SCAF11: variants seen among roughly 807,000 people sequenced by gnomAD.
SCAF11 encodes the protein SR-related CTD associated factor 11, also known as protein SCAF11.
SCAF11 carries 47 observed loss-of-function variants against 140.5 expected under a neutral mutation model. The observed-to-expected ratio is 0.33, with a 90% CI of 0.26 to 0.43. SCAF11 has a LOEUF of 0.43. SCAF11 is among the 20% of genes least tolerant of loss of function. SCAF11 has a pLI of 1.00. For missense variants in SCAF11, 1,645 were observed against 1,705.1 expected (o/e 0.96, Z 0.62); for synonymous variants, 557 against 579.4 (o/e 0.96, Z 0.55).
At chr12:45,934,345 T>C in intron 7 of SCAF11, 60 bp from the exon 8 acceptor site, 2 of 1,364,866 alleles carry the variant, frequency 1.5e-6, no homozygotes, top group East Asian at 4.7e-5. Flanking sequence ...ATAATAGTTA[T>C]ACTTAAATAT....
At chr12:45,981,540 G>A (rs1436918822) in intron 1 of SCAF11, among the ~76,000 whole-genome samples, 4 of 152,230 alleles carry the variant, frequency 2.6e-5, no homozygotes, top group East Asian at 1.9e-4. Flanking sequence ...AATATAATCC[G>A]TCATCCTTGA....
chr12:45,921,848 G>C lies in SCAF11; in HGVS notation c.*200C>G. Reference sequence around the variant, plus strand: ...ACTTTCCCTTGAATTTTGTGGGGGAGGGTGGAGGGGAAGGAAGGATACAGA... The same window carrying C: ...ACTTTCCCTTGAATTTTGTGGGGGACGGTGGAGGGGAAGGAAGGATACAGA... On this transcript the variant is annotated 3_prime_UTR_variant, in exon 15 of 15. Coordinates refer to ENST00000369367, the MANE Select transcript of SCAF11 (RefSeq NM_004719.3). The C allele has an allele frequency of 1.8e-6, 1 of 552,374 alleles. No homozygotes were observed. Among genetic ancestry groups the C allele is most frequent in the South Asian group, 2.4e-5 (1 of 41,670 alleles). 34.2% of individuals were successfully genotyped at this position (552,374 alleles called of 1,614,324 possible).
At chr12:45,985,675 A>G (rs1313774516) in intron 1 of SCAF11, among the ~76,000 whole-genome samples, 1 of 152,242 alleles carries the variant, frequency 6.6e-6, no homozygotes, top group Non-Finnish European at 1.5e-5. Flanking sequence ...AATGTCTACA[A>G]CAGAGTGGCT....
chr12:45,956,500 T>C (rs1340951872), intron 3 of SCAF11, among the ~76,000 whole-genome samples: 1 of 152,224 alleles, frequency 6.6e-6, no homozygotes, highest in Non-Finnish European at 1.5e-5. Context: ...ACATGTTCCC[T>C]ATCACATTTA....
At position 45,935,392 on chromosome 12, in the gene SCAF11, A is replaced by C. The variant is rs11574968; in HGVS notation, c.464-887T>G. On this transcript the variant is annotated intron_variant, in intron 6 of 14. Transcript: ENST00000369367. ...TAATTTCAATGTTAGTGGAAGACGAACAGGCTGAGTTCCGGAACTTACTGC... is the reference window on the plus strand; with the variant it reads ...TAATTTCAATGTTAGTGGAAGACGACCAGGCTGAGTTCCGGAACTTACTGC... Among the ~76,000 whole-genome samples, 545 of 152,322 alleles carry C rather than the reference A, an allele frequency of 3.6e-3. 3 individuals are homozygous for C. The highest frequency in any genetic ancestry group is 0.012 in the African/African-American group (496 of 41,578).
intron 4 of SCAF11, among the ~76,000 whole-genome samples, chr12:45,949,703 G>A (rs1391535337): frequency 1.3e-5 from 2 of 152,096 alleles, no homozygotes; most frequent in African/African-American, 4.8e-5. Flanking sequence ...AACTGGGGCT[G>A]GGGAAAGGGG....
intron 1 of SCAF11, among the ~76,000 whole-genome samples, chr12:45,971,433 G>A (rs1251685522): frequency 6.6e-6 from 1 of 152,144 alleles, no homozygotes; most frequent in Non-Finnish European, 1.5e-5. Context: ...GCTATATGAA[G>A]ACTCAGGAGT....
chr12:45,968,125 A>C (rs1429802652), intron 1 of SCAF11, among the ~76,000 whole-genome samples: 2 of 152,318 alleles, frequency 1.3e-5, no homozygotes, highest in East Asian at 1.9e-4. Context: ...TAATCATGTT[A>C]TATTCTACCT....
chr12:45,984,380 T>C (rs1184406777), intron 1 of SCAF11, among the ~76,000 whole-genome samples: 1 of 152,238 alleles, frequency 6.6e-6, no homozygotes, highest in Non-Finnish European at 1.5e-5. Context: ...GGTTGTACAC[T>C]ATTTGACAGT....
Position 45,928,705 on chromosome 12 carries a change from G to A in SCAF11, c.996C>T (p.Ala332=). Residue 332 remains alanine, a synonymous_variant, in exon 11 of 15, where the codon GCC becomes GCT. Transcript: ENST00000369367. ...ATATTGGGGATCTCTGAGACTGACT[G>A]GCTGTTTCAGCTCTTGTGTTACGTG... The part of the protein sequence containing the change: ...RSTRNTRAET[A]SQSQRSPISD... 6.2e-7 allele frequency: 1 copy of A among 1,613,996 alleles called. No homozygotes were observed. The highest frequency in any genetic ancestry group is 2.2e-5 in the East Asian group (1 of 44,874).
chr12:45,973,005 T>G (rs962787867), intron 1 of SCAF11, among the ~76,000 whole-genome samples: 28 of 144,404 alleles, frequency 1.9e-4, no homozygotes, highest in East Asian at 6.1e-4. Flanking sequence ...TATATAGATA[T>G]ATATATAGAT....
In SCAF11 at chr12:45,970,029, G is replaced by A. The variant is rs923497989; in HGVS notation, c.-21-5841C>T. On this transcript the variant is annotated intron_variant, in intron 1 of 14. Coordinates refer to ENST00000369367, the MANE Select transcript of SCAF11 (RefSeq NM_004719.3). ...CTCTGCCTCAGCCTCCTGAGTAGCTGGGATTACAGGTGCCCGCCACCACGC... is the reference window on the plus strand; with the variant it reads ...CTCTGCCTCAGCCTCCTGAGTAGCTAGGATTACAGGTGCCCGCCACCACGC... Among the ~76,000 whole-genome samples the A allele has an allele frequency of 2.3e-4, 35 of 152,312 alleles. 1 individual carries two copies. Among genetic ancestry groups the A allele is most frequent in the African/African-American group, 8.4e-4 (35 of 41,560 alleles).
At chr12:45,961,526 G>A (rs1945829525) in intron 3 of SCAF11, 174 bp downstream of exon 3, 2 of 605,244 alleles carry the variant, frequency 3.3e-6, no homozygotes, top group Non-Finnish European at 5.6e-6. Context: ...ATCAAAGCCT[G>A]ATAAAAGAAA....
chr12:45,947,154 T>C lies in SCAF11; in HGVS notation c.398+1283A>G, dbSNP rs375854741. Among the ~76,000 whole-genome samples, 49 of 152,350 alleles carry C rather than the reference T, an allele frequency of 3.2e-4. No individual in the cohort carries two copies. The East Asian group carries it at 8.1e-3, about 25-fold the overall frequency. On this transcript the variant is annotated intron_variant, in intron 5 of 14. Transcript: ENST00000369367. ...TACTAATGAATCATAGATTTAATTA[T>C]GAATCTGACAACATATTGACTTAAA...
intron 11 of SCAF11, among the ~76,000 whole-genome samples, chr12:45,925,881 A>G (rs1944845434): frequency 6.6e-6 from 1 of 152,184 alleles, no homozygotes; most frequent in Non-Finnish European, 1.5e-5. Flanking sequence ...GAATATCCCA[A>G]ACTCTTCTAT....
At chr12:45,979,779 A>G (rs1322349758) in intron 1 of SCAF11, among the ~76,000 whole-genome samples, 1 of 152,142 alleles carries the variant, frequency 6.6e-6, no homozygotes, top group Non-Finnish European at 1.5e-5. Flanking sequence ...ATGTGCCCTC[A>G]TATGAATATT....
Position 45,934,044 on chromosome 12 carries a change from A to G in SCAF11, c.632+132T>C, listed in dbSNP as rs867118902. 1.0e-4 allele frequency: 58 copies of G among 555,248 alleles called. No individual in the cohort carries two copies. The African/African-American group carries it at 1.1e-3, about 10-fold the overall frequency. The allele number at this position is 555,248 out of a possible 1,614,324, so 34.4% of individuals were successfully genotyped here. A position where few individuals can be genotyped will look rare whatever the true frequency, so the allele number is the denominator to read the frequency against. On this transcript the variant is annotated intron_variant, in intron 8 of 14. Coordinates refer to ENST00000369367, the MANE Select transcript of SCAF11 (RefSeq NM_004719.3). ...TAGTTTACCTTCCCCCCCGCCCAAA[A>G]AAAAACTAAAGCAAAACAACCAGGT...
chr12:45,986,756 G>A (rs181253659), intron 1 of SCAF11, among the ~76,000 whole-genome samples: 22 of 152,172 alleles, frequency 1.4e-4, no homozygotes, highest in African/African-American at 4.1e-4. Flanking sequence ...TGTTCTCATG[G>A]TAGTGAACAA....
At chr12:45,971,740 C>G (rs1255373437) in intron 1 of SCAF11, among the ~76,000 whole-genome samples, 1 of 152,048 alleles carries the variant, frequency 6.6e-6, no homozygotes, top group Non-Finnish European at 1.5e-5. Context: ...CTCTGTTCCT[C>G]ATGTCCCAAT....
Sources: gnomAD v4.1 joint callset for allele counts (sites outside exome capture counted in the v4.1 genomes callset) on GRCh38, gnomAD v4.1.1 for gene constraint, MANE v1.5 for transcripts, NCBI Gene and HGNC (gene_info 2026-07-23, HGNC 2026-07-21) for gene names.